The following STAU1 variants were observed in gnomAD, a reference collection of about 807,000 sequenced individuals.
The protein encoded by STAU1 is staufen double-stranded RNA binding protein 1, also known as double-stranded RNA-binding protein Staufen homolog 1.
A neutral mutation model predicts 62.9 loss-of-function variants in STAU1; 13 were observed. The ratio of observed to expected loss-of-function variants is 0.21; its 90% confidence interval spans 0.13 to 0.33. STAU1 has a LOEUF of 0.33. Among genes scored for constraint, STAU1 ranks in the 10% least tolerant of loss-of-function variants. The pLI is 1.00. For synonymous variants in STAU1, 269 were observed against 265.1 expected (o/e 1.01, Z -0.14); for missense variants, 571 against 712.1 (o/e 0.80, Z 2.25).
At chr20:49,174,120 C>T (rs1489539669) in intron 2 of STAU1, 75 bp downstream of exon 2, 1 of 152,158 alleles carries the variant, frequency 6.6e-6, no homozygotes, top group Admixed American at 6.5e-5. Context: ...TCATTCTCCA[C>T]ACAACTCATT....
upstream of STAU1, among the ~76,000 whole-genome samples, chr20:49,192,611 C>T (rs926343636): frequency 4.6e-5 from 7 of 152,036 alleles, no homozygotes; most frequent in East Asian, 3.8e-4. Context: ...GCCTGGCCAA[C>T]GTGGCAAAAT....
At chr20:49,218,471 C>T in the STAU1 span, among the ~76,000 whole-genome samples, 4 of 151,142 alleles carry the variant, frequency 2.6e-5, no homozygotes, top group African/African-American at 4.9e-5. Flanking sequence ...GTGATCCGCC[C>T]GCCTCGGCCT....
At chr20:49,208,812 C>T in the STAU1 span, among the ~76,000 whole-genome samples, 3 of 149,722 alleles carry the variant, frequency 2.0e-5, no homozygotes, top group South Asian at 2.1e-4. Flanking sequence ...TTAATGGAGA[C>T]GGGGTTTCAA....
the STAU1 span, among the ~76,000 whole-genome samples, chr20:49,207,550 C>T: frequency 6.6e-6 from 1 of 152,154 alleles, no homozygotes; most frequent in African/African-American, 2.4e-5. Flanking sequence ...GAGTCTCGCA[C>T]TGTTGCCTGG....
intron 8 of STAU1, among the ~76,000 whole-genome samples, chr20:49,121,155 C>T (rs1331545687): frequency 1.3e-5 from 2 of 151,996 alleles, no homozygotes; most frequent in Admixed American, 6.5e-5. Context: ...GCCTGTAATC[C>T]CAGCACTTTG....
intron 5 of STAU1, among the ~76,000 whole-genome samples, chr20:49,138,911 C>G (rs939051067): frequency 6.6e-6 from 1 of 152,038 alleles, no homozygotes; most frequent in African/African-American, 2.4e-5. Flanking sequence ...TGGAGTTCTA[C>G]AGAGGTTTGG....
chr20:49,184,884 AAAT>A lies in STAU1; in HGVS notation c.-160+3229_-160+3231del, dbSNP rs547268536. Among the ~76,000 whole-genome samples the A allele has an allele frequency of 2.0e-3, 303 of 152,362 alleles. 1 individual carries two copies. The highest frequency in any genetic ancestry group is 6.9e-3 in the African/African-American group (288 of 41,576). On this transcript the variant is annotated intron_variant, in intron 1 of 13. Coordinates refer to ENST00000371856, the MANE Select transcript of STAU1 (RefSeq NM_017453.4). ...AGCTCAAAGTACACCTACAAAACTC[AAAT>A]AACAGACCTAAAAGCTGAAAACTAT...
At chr20:49,129,698 G>C in intron 6 of STAU1, among the ~76,000 whole-genome samples, 1 of 135,226 alleles carries the variant, frequency 7.4e-6, no homozygotes, top group South Asian at 2.4e-4. Context: ...GCAGTAGCAT[G>C]ATCTCGGCTC....
intron 5 of STAU1, among the ~76,000 whole-genome samples, chr20:49,141,097 T>G (rs939829415): frequency 6.6e-6 from 1 of 152,212 alleles, no homozygotes; most frequent in Non-Finnish European, 1.5e-5. Flanking sequence ...TCGTAAGACT[T>G]TGAATGCCAC....
chr20:49,136,491 T>A (rs79263490), intron 5 of STAU1, among the ~76,000 whole-genome samples: 1 of 152,186 alleles, frequency 6.6e-6, no homozygotes, highest in Non-Finnish European at 1.5e-5. Flanking sequence ...CCGCACATAA[T>A]AGACCTTTGG....
chr20:49,145,777 A>G (rs1312917076), intron 5 of STAU1, among the ~76,000 whole-genome samples: 1 of 152,086 alleles, frequency 6.6e-6, no homozygotes, highest in Non-Finnish European at 1.5e-5. Flanking sequence ...GCATGCCTGC[A>G]GTCCCAGATA....
At chr20:49,120,906 T>C (rs2092450700) in intron 8 of STAU1, among the ~76,000 whole-genome samples, 1 of 152,076 alleles carries the variant, frequency 6.6e-6, no homozygotes, top group African/African-American at 2.4e-5. Flanking sequence ...GCGATTCTCC[T>C]GCCTCAGCCA....
intron 5 of STAU1, among the ~76,000 whole-genome samples, chr20:49,146,688 G>C (rs1382027181): frequency 6.7e-6 from 1 of 150,258 alleles, no homozygotes; most frequent in Non-Finnish European, 1.5e-5. Flanking sequence ...CTGGGCAACA[G>C]AGTGAGACCC....
Position 49,118,426 on chromosome 20 carries a change from A to AG in STAU1, c.1114-19_1114-18insC, listed in dbSNP as rs2092383508. On this transcript the variant is annotated intron_variant, in intron 9 of 13. Transcript: ENST00000371856. ...ATGGGTGTCTTAAAAAAGAAGAAGA[A>AG]AAAAAAAAGGCCATGAGCATAAATC... 4 of 1,572,396 alleles carry AG rather than the reference A, an allele frequency of 2.5e-6. No individual in the cohort carries two copies. Among genetic ancestry groups the AG allele is most frequent in the Non-Finnish European group, 2.6e-6 (3 of 1,153,506 alleles).
the STAU1 span, among the ~76,000 whole-genome samples, chr20:49,212,621 T>TTTTTTTTTTTC: frequency 7.0e-6 from 1 of 143,530 alleles, no homozygotes; most frequent in Non-Finnish European, 1.5e-5. Flanking sequence ...TGGAATTTTT[T>TTTTTTTTTTTC]TTTTTTAGGC....
intron 3 of STAU1, among the ~76,000 whole-genome samples, chr20:49,163,793 C>G (rs2146364487): frequency 6.6e-6 from 1 of 152,208 alleles, no homozygotes; most frequent in Non-Finnish European, 1.5e-5. Context: ...TTGAGTCAGT[C>G]TCAGTCTGTT....
chr20:49,198,613 TGAGGTCACTA>T, the STAU1 span, among the ~76,000 whole-genome samples: 1 of 152,010 alleles, frequency 6.6e-6, no homozygotes, highest in East Asian at 1.9e-4. Flanking sequence ...ACAGATCACT[TGAGGTCACTA>T]ATTCAAGACT....
chr20:49,125,214 A>AAAAAAAAC (rs1555836536), intron 6 of STAU1, among the ~76,000 whole-genome samples: 3 of 146,054 alleles, frequency 2.1e-5, no homozygotes, highest in East Asian at 1.9e-4. Context: ...AAAAAAAAAA[A>AAAAAAAAC]AAAAAAAAAA....
intron 2 of STAU1, among the ~76,000 whole-genome samples, chr20:49,168,110 G>A (rs563972435): frequency 6.7e-5 from 10 of 148,630 alleles, no homozygotes; most frequent in African/African-American, 2.5e-4. Context: ...TTCCGAGACA[G>A]AGCTTTGTCG....
Sources: allele counts gnomAD v4.1 joint callset (sites outside exome capture counted in the v4.1 genomes callset), GRCh38; gene constraint gnomAD v4.1.1; transcripts MANE v1.5; gene names NCBI Gene and HGNC (gene_info 2026-07-23, HGNC 2026-07-21).